The following SPOCK1 variants were observed in gnomAD, a reference collection of about 807,000 sequenced individuals.
SPOCK1 encodes the protein SPARC (osteonectin), cwcv and kazal like domains proteoglycan 1.
Under a neutral mutation model 55.3 loss-of-function variants are expected in SPOCK1, and 23 were observed. The observed-to-expected ratio is 0.42, with a 90% CI of 0.30 to 0.59. SPOCK1 has a LOEUF of 0.59. Ranked by LOEUF, SPOCK1 falls within the 20% of genes least tolerant of loss-of-function variation. The pLI is 0.22. For synonymous variants in SPOCK1, 226 were observed against 221.0 expected (o/e 1.02, Z -0.20); for missense variants, 499 against 552.5 (o/e 0.90, Z 0.97).
intron 6 of SPOCK1, among the ~76,000 whole-genome samples, chr5:137,043,351 G>T (rs1752037655): frequency 6.6e-6 from 1 of 152,174 alleles, no homozygotes; most frequent in Non-Finnish European, 1.5e-5. Flanking sequence ...AATCTCTCAT[G>T]TAAAATATTT....
intron 6 of SPOCK1, among the ~76,000 whole-genome samples, chr5:137,023,807 T>C (rs17646556): frequency 0.095 from 14,416 of 152,172 alleles, 862 homozygotes; most frequent in Non-Finnish European, 0.13. Context: ...CAAGCTGATT[T>C]GTCTCTTTCA....
At chr5:137,036,763 C>G (rs1751893231) in intron 6 of SPOCK1, among the ~76,000 whole-genome samples, 1 of 152,204 alleles carries the variant, frequency 6.6e-6, no homozygotes, top group African/African-American at 2.4e-5. Context: ...GTTCCTGCTG[C>G]CCTGAGCACT....
intron 2 of SPOCK1, among the ~76,000 whole-genome samples, chr5:137,320,408 C>A (rs73294939): frequency 0.04 from 6,163 of 152,216 alleles, 439 homozygotes; most frequent in African/African-American, 0.14. Context: ...AGAAAGCACC[C>A]AACTCATGGC....
At chr5:137,412,628 C>G (rs1287654250) in intron 2 of SPOCK1, among the ~76,000 whole-genome samples, 1 of 152,152 alleles carries the variant, frequency 6.6e-6, no homozygotes, top group Non-Finnish European at 1.5e-5. Flanking sequence ...GAGAAGCAGT[C>G]CCTCAGACAG....
At chr5:137,395,908 G>A (rs893492710) in intron 2 of SPOCK1, among the ~76,000 whole-genome samples, 3 of 152,220 alleles carry the variant, frequency 2.0e-5, no homozygotes, top group Admixed American at 6.5e-5. Flanking sequence ...TTTCCTCCCA[G>A]AAAGATCCCA....
intron 2 of SPOCK1, among the ~76,000 whole-genome samples, chr5:137,353,827 C>T (rs1451564207): frequency 1.3e-5 from 2 of 152,142 alleles, no homozygotes; most frequent in Non-Finnish European, 2.9e-5. Flanking sequence ...TCCCCAGTCT[C>T]TCCCTGGCAG....
chr5:137,313,924 G>A (rs1375489855), intron 2 of SPOCK1, among the ~76,000 whole-genome samples: 2 of 148,974 alleles, frequency 1.3e-5, no homozygotes, highest in South Asian at 2.4e-4. Flanking sequence ...TCACAACAGG[G>A]AGATAAGGAG....
intron 2 of SPOCK1, chr5:137,365,014 T>C (rs903154144): frequency 2.0e-5 from 3 of 152,256 alleles, no homozygotes; most frequent in Non-Finnish European, 4.4e-5. Context: ...ACAGGGAGGA[T>C]TCATGTCCAA....
At chr5:137,259,013 A>G (rs1756693418) in intron 3 of SPOCK1, among the ~76,000 whole-genome samples, 1 of 152,202 alleles carries the variant, frequency 6.6e-6, no homozygotes, top group Non-Finnish European at 1.5e-5. Flanking sequence ...TTCCTGACAG[A>G]ACTGACTGAG....
At chr5:137,052,279 A>T (rs1382046076) in intron 6 of SPOCK1, among the ~76,000 whole-genome samples, 1 of 152,142 alleles carries the variant, frequency 6.6e-6, no homozygotes, top group East Asian at 1.9e-4. Flanking sequence ...TGTTTAAACC[A>T]CTGTTATTTA....
intron 6 of SPOCK1, among the ~76,000 whole-genome samples, chr5:137,040,474 C>T (rs140198094): frequency 3.6e-4 from 55 of 152,300 alleles, no homozygotes; most frequent in African/African-American, 1.3e-3. Context: ...TGGAAAAACA[C>T]TGTAAATACA....
chr5:137,441,519 C>T (rs1332622418), intron 2 of SPOCK1, among the ~76,000 whole-genome samples: 1 of 152,202 alleles, frequency 6.6e-6, no homozygotes, highest in Non-Finnish European at 1.5e-5. Context: ...AACCACTGCT[C>T]ACCACAGGCA....
intron 4 of SPOCK1, among the ~76,000 whole-genome samples, chr5:137,140,007 C>A (rs34241390): frequency 5.3e-5 from 8 of 151,924 alleles, no homozygotes; most frequent in Admixed American, 3.3e-4. Flanking sequence ...GATACTTCCC[C>A]CTGGGCTGGG....
intron 2 of SPOCK1, among the ~76,000 whole-genome samples, chr5:137,387,254 A>G (rs965279828): frequency 6.6e-6 from 1 of 152,204 alleles, no homozygotes; most frequent in African/African-American, 2.4e-5. Flanking sequence ...ATATAAGTAA[A>G]CACACTCTCA....
chr5:137,076,896 C>T (rs1034601172), intron 5 of SPOCK1, among the ~76,000 whole-genome samples: 5 of 152,080 alleles, frequency 3.3e-5, no homozygotes, highest in East Asian at 1.9e-4. Context: ...ATAACTGCCT[C>T]GGGGACACAA....
rs1266854940 is a variant in SPOCK1, at chr5:137,214,267, G to A, written c.232+52743C>T. On this transcript the variant is annotated intron_variant, in intron 3 of 10. Coordinates refer to ENST00000394945, the MANE Select transcript of SPOCK1 (RefSeq NM_004598.4). ...ACTGAAGCTTGGAGGGGAGATATAT[G>A]TTGGCCAAAGTCACAGAGCTGGCAA... Among the ~76,000 whole-genome samples the A allele has an allele frequency of 1.3e-5, 2 of 152,118 alleles. 1 individual carries two copies. The highest frequency in any genetic ancestry group is 4.8e-5 in the African/African-American group (2 of 41,412).
intron 3 of SPOCK1, among the ~76,000 whole-genome samples, chr5:137,159,917 T>G (rs1754491080): frequency 6.6e-6 from 1 of 152,188 alleles, no homozygotes; most frequent in African/African-American, 2.4e-5. Flanking sequence ...TATATTTTAT[T>G]GGAAATCTGG....
intron 5 of SPOCK1, among the ~76,000 whole-genome samples, chr5:137,107,729 A>G (rs1041834676): frequency 1.3e-5 from 2 of 152,114 alleles, no homozygotes; most frequent in Admixed American, 1.3e-4. Context: ...GGGGGCCCGG[A>G]AGCAGAAGGA....
intron 3 of SPOCK1, among the ~76,000 whole-genome samples, chr5:137,239,200 C>A (rs1379872091): frequency 6.6e-6 from 1 of 152,102 alleles, no homozygotes; most frequent in Non-Finnish European, 1.5e-5. Flanking sequence ...AAAACAAAGC[C>A]TCTATAAAAA....
Sources: gnomAD v4.1 joint callset for allele counts (sites outside exome capture counted in the v4.1 genomes callset) on GRCh38, gnomAD v4.1.1 for gene constraint, MANE v1.5 for transcripts, NCBI Gene and HGNC (gene_info 2026-07-23, HGNC 2026-07-21) for gene names.